The following SPSB4 variants were observed in gnomAD, a reference collection of about 807,000 sequenced individuals.
SPSB4 encodes SPRY domain-containing SOCS box protein 4.
In SPSB4, 21 loss-of-function variants were observed where a neutral mutation model predicts 20.9. The ratio of observed to expected loss-of-function variants is 1.01; its 90% confidence interval spans 0.71 to 1.45. SPSB4 has a LOEUF of 1.45. SPSB4 is among the 40% of genes most tolerant of loss of function. The pLI, the probability that SPSB4 is intolerant of heterozygous loss-of-function variation, is 0.00. For synonymous variants in SPSB4, 207 were observed against 183.8 expected (o/e 1.13, Z -1.02); for missense variants, 399 against 399.2 (o/e 1.00, Z 0.00).
intron 2 of SPSB4, among the ~76,000 whole-genome samples, chr3:141,112,628 G>A (rs1014218616): frequency 1.9e-5 from 2 of 107,396 alleles, no homozygotes; most frequent in Non-Finnish European, 3.5e-5. Context: ...CTGGGCGACA[G>A]AGCGAGACTC....
chr3:141,099,241 G>A (rs1938583860), intron 2 of SPSB4, among the ~76,000 whole-genome samples: 3 of 150,300 alleles, frequency 2.0e-5, no homozygotes, highest in African/African-American at 4.9e-5. Flanking sequence ...CTGGAGTGCA[G>A]TGGCGCGATC....
At chr3:141,087,294 C>A (rs1333529708) in intron 2 of SPSB4, among the ~76,000 whole-genome samples, 1 of 152,172 alleles carries the variant, frequency 6.6e-6, no homozygotes, top group Non-Finnish European at 1.5e-5. Context: ...AGAATTTAGA[C>A]TTCCTGTAGG....
chr3:141,109,318 T>C (rs151056031), intron 2 of SPSB4, among the ~76,000 whole-genome samples: 179 of 152,104 alleles, frequency 1.2e-3, no homozygotes, highest in African/African-American at 3.9e-3. Context: ...TCCTTGACAA[T>C]GGTGGGAGCT....
At chr3:141,079,264 C>CAAA (rs112482116) in intron 2 of SPSB4, among the ~76,000 whole-genome samples, 2 of 122,138 alleles carry the variant, frequency 1.6e-5, no homozygotes, top group African/African-American at 5.8e-5. Flanking sequence ...GACTCCATCT[C>CAAA]AAAAAAAAAA....
chr3:141,054,056 C>T (rs569267213), intron 1 of SPSB4, among the ~76,000 whole-genome samples: 2 of 152,344 alleles, frequency 1.3e-5, no homozygotes, highest in South Asian at 2.1e-4. Flanking sequence ...TCATCATTTA[C>T]GTAGAACTGT....
chr3:141,144,383 T>A (rs1417883323), intron 2 of SPSB4, among the ~76,000 whole-genome samples: 1 of 152,260 alleles, frequency 6.6e-6, no homozygotes, highest in Admixed American at 6.5e-5. Flanking sequence ...GTTCTAAGAA[T>A]AGCTCCCATA....
intron 2 of SPSB4, among the ~76,000 whole-genome samples, chr3:141,142,975 C>G (rs1261536152): frequency 6.6e-6 from 1 of 151,786 alleles, no homozygotes; most frequent in Non-Finnish European, 1.5e-5. Flanking sequence ...CGCCACCACG[C>G]CCAGCTAATT....
intron 1 of SPSB4, 115 bp downstream of exon 1, chr3:141,052,107 T>C (rs2107772070): frequency 6.6e-6 from 1 of 152,428 alleles, no homozygotes; most frequent in African/African-American, 2.4e-5. Flanking sequence ...GACGTCCCAG[T>C]CCCTGAGAAT....
chr3:141,095,971 C>T (rs528364206), intron 2 of SPSB4, among the ~76,000 whole-genome samples: 5 of 152,040 alleles, frequency 3.3e-5, no homozygotes, highest in Admixed American at 6.5e-5. Flanking sequence ...TGCCTGATGT[C>T]TGGGGCCATG....
At chr3:141,127,240 C>T (rs1204190576) in intron 2 of SPSB4, among the ~76,000 whole-genome samples, 1 of 152,190 alleles carries the variant, frequency 6.6e-6, no homozygotes, top group Non-Finnish European at 1.5e-5. Flanking sequence ...GAACTGTTGG[C>T]CAGGAAGGCA....
At chr3:141,141,393 A>T (rs1249998983) in intron 2 of SPSB4, among the ~76,000 whole-genome samples, 1 of 152,206 alleles carries the variant, frequency 6.6e-6, no homozygotes, top group African/African-American at 2.4e-5. Context: ...TCAGTTGGAA[A>T]TGCAGAAATC....
rs1938259576 is a variant in SPSB4, at chr3:141,082,659, C to G, written c.694+15861C>G. Among the ~76,000 whole-genome samples, 3 of 152,044 alleles carry G rather than the reference C, an allele frequency of 2.0e-5. 1 individual carries two copies. The South Asian group carries it at 6.2e-4, about 32-fold the overall frequency. ...TCTATCTATCTATCTATCTATCTAT[C>G]TATCTTTCCATTAAATCCTTTTAGC... On this transcript the variant is annotated intron_variant, in intron 2 of 2. Transcript: ENST00000310546.
chr3:141,116,388 A>G (rs182550658), intron 2 of SPSB4, among the ~76,000 whole-genome samples: 5 of 152,386 alleles, frequency 3.3e-5, no homozygotes, highest in African/African-American at 9.6e-5. Context: ...TTGGAAAACC[A>G]GCTGGCACCA....
intron 2 of SPSB4, among the ~76,000 whole-genome samples, chr3:141,071,192 G>A (rs976634967): frequency 2.6e-5 from 4 of 152,220 alleles, no homozygotes; most frequent in East Asian, 3.9e-4. Flanking sequence ...GGGCCCCTGC[G>A]GTGGGCCAGG....
At chr3:141,112,674 G>C (rs1422757652) in intron 2 of SPSB4, among the ~76,000 whole-genome samples, 1 of 130,612 alleles carries the variant, frequency 7.7e-6, no homozygotes, top group Non-Finnish European at 1.6e-5. Context: ...AAAAAAGACA[G>C]AAGGAATCTT....
At chr3:141,089,617 G>A (rs1351518253) in intron 2 of SPSB4, among the ~76,000 whole-genome samples, 2 of 152,204 alleles carry the variant, frequency 1.3e-5, no homozygotes, top group African/African-American at 2.4e-5. Context: ...GTCTTGGCCT[G>A]TAGTTTTCCT....
chr3:141,119,610 T>A (rs1449376663), intron 2 of SPSB4, among the ~76,000 whole-genome samples: 1 of 152,246 alleles, frequency 6.6e-6, no homozygotes, highest in African/African-American at 2.4e-5. Context: ...CCATTCAGTA[T>A]GATATTAGCT....
chr3:141,068,358 A>T (rs977570934), intron 2 of SPSB4, among the ~76,000 whole-genome samples: 5 of 152,270 alleles, frequency 3.3e-5, no homozygotes, highest in African/African-American at 1.2e-4. Flanking sequence ...TAGTCATCAC[A>T]GTGCCTTGTG....
chr3:141,054,036 T>G (rs1201005875), intron 1 of SPSB4, among the ~76,000 whole-genome samples: 7 of 152,246 alleles, frequency 4.6e-5, no homozygotes, highest in Non-Finnish European at 1.0e-4. Flanking sequence ...TTCATACAAC[T>G]GAAACTTCCT....
Sources: allele counts gnomAD v4.1 joint callset (sites outside exome capture counted in the v4.1 genomes callset), GRCh38; gene constraint gnomAD v4.1.1; transcripts MANE v1.5; gene names NCBI Gene and HGNC (gene_info 2026-07-23, HGNC 2026-07-21).